The following MAPK10 variants were observed in gnomAD, a reference collection of about 807,000 sequenced individuals.
MAPK10 encodes the protein JNK3 alpha protein kinase.
Under a neutral mutation model 59.3 loss-of-function variants are expected in MAPK10, and 25 were observed. The observed-to-expected ratio is 0.42, with a 90% confidence interval of 0.31 to 0.59. MAPK10 has a LOEUF of 0.59. Among genes scored for constraint, MAPK10 ranks in the 20% least tolerant of loss-of-function variants. The pLI, the probability that MAPK10 is intolerant of heterozygous loss-of-function variation, is 0.15. For missense variants in MAPK10, 351 were observed against 568.9 expected, an observed-to-expected ratio of 0.62 and a Z score of 3.90; for synonymous variants, 190 against 200.5, an observed-to-expected ratio of 0.95 and a Z score of 0.44.
chr4:86,356,173 C>T (rs1734376996), intron 1 of MAPK10, among the ~76,000 whole-genome samples: 1 of 152,170 alleles, frequency 6.6e-6, no homozygotes, highest in African/African-American at 2.4e-5. Flanking sequence ...ACCTGCACAC[C>T]ATGCAGGGTT....
intron 11 of MAPK10, among the ~76,000 whole-genome samples, chr4:86,034,338 C>A (rs949912246): frequency 3.3e-5 from 5 of 152,144 alleles, no homozygotes; most frequent in African/African-American, 1.2e-4. Context: ...ATTGCATAAA[C>A]AATAACTTAA....
intron 9 of MAPK10, among the ~76,000 whole-genome samples, chr4:86,094,322 T>C (rs774360035): frequency 6.3e-4 from 96 of 152,104 alleles, no homozygotes; most frequent in Middle Eastern, 6.8e-3. Flanking sequence ...TATATGTATA[T>C]CTCTTTCATT....
chr4:86,156,154 T>A (rs1189963756), intron 4 of MAPK10, among the ~76,000 whole-genome samples: 1 of 152,064 alleles, frequency 6.6e-6, no homozygotes, highest in Non-Finnish European at 1.5e-5. Flanking sequence ...TACGGGTACG[T>A]ATACATATAC....
intron 9 of MAPK10, among the ~76,000 whole-genome samples, chr4:86,069,166 A>C (rs2047290058): frequency 6.6e-6 from 1 of 152,146 alleles, no homozygotes; most frequent in Admixed American, 6.6e-5. Flanking sequence ...TTAAAGATAA[A>C]CTTAACTGTA....
At chr4:86,558,396 A>C (rs1760425951) in intron 1 of MAPK10, among the ~76,000 whole-genome samples, 1 of 152,140 alleles carries the variant, frequency 6.6e-6, no homozygotes, top group East Asian at 1.9e-4. Flanking sequence ...ATGGGCCTTA[A>C]TTAATTCTCA....
At chr4:86,194,140 C>T (rs1034118326) in intron 3 of MAPK10, 196 bp downstream of exon 3, 29 of 557,156 alleles carry the variant, frequency 5.2e-5, no homozygotes, top group Non-Finnish European at 8.3e-5. Flanking sequence ...AGAAATCACT[C>T]GTCTTCTGCG....
chr4:86,466,471 G>A (rs1425348226), intron 1 of MAPK10, among the ~76,000 whole-genome samples: 1 of 152,130 alleles, frequency 6.6e-6, no homozygotes, highest in Non-Finnish European at 1.5e-5. Context: ...CCCGTTGTAG[G>A]CCACATGCTA....
chr4:86,406,299 T>C (rs530546020), intron 1 of MAPK10, among the ~76,000 whole-genome samples: 1 of 152,268 alleles, frequency 6.6e-6, no homozygotes, highest in South Asian at 2.1e-4. Flanking sequence ...CTCACTGAAT[T>C]AGAAACGCTG....
intron 2 of MAPK10, among the ~76,000 whole-genome samples, chr4:86,225,282 C>T (rs571246291): frequency 2.0e-5 from 3 of 152,310 alleles, no homozygotes; most frequent in East Asian, 3.9e-4. Context: ...TGAATACCTG[C>T]TTTCCTCCTG....
intron 1 of MAPK10, among the ~76,000 whole-genome samples, chr4:86,468,721 G>T (rs1752415196): frequency 6.6e-6 from 1 of 152,126 alleles, no homozygotes; most frequent in Non-Finnish European, 1.5e-5. Context: ...AGGCGTGGTG[G>T]CATGCACCTG....
chr4:86,498,511 AGAAAGTG>A (rs1344319893), intron 1 of MAPK10, among the ~76,000 whole-genome samples: 2 of 152,202 alleles, frequency 1.3e-5, no homozygotes, highest in Non-Finnish European at 2.9e-5. Flanking sequence ...TTAGATAAGA[AGAAAGTG>A]GAAGTCCACA....
intron 2 of MAPK10, among the ~76,000 whole-genome samples, chr4:86,287,931 A>G (rs1157214933): frequency 6.6e-6 from 1 of 152,152 alleles, no homozygotes; most frequent in Non-Finnish European, 1.5e-5. Context: ...TAGAATTAAG[A>G]CGTTACCTAG....
chr4:86,205,386 C>G (rs1404536791), intron 2 of MAPK10, among the ~76,000 whole-genome samples: 2 of 151,856 alleles, frequency 1.3e-5, no homozygotes, highest in African/African-American at 4.8e-5. Flanking sequence ...GAAAAATTCA[C>G]GATCACAGTG....
At chr4:86,297,938 A>C (rs2148837094) in intron 2 of MAPK10, among the ~76,000 whole-genome samples, 1 of 152,224 alleles carries the variant, frequency 6.6e-6, no homozygotes, top group African/African-American at 2.4e-5. Flanking sequence ...TTCATGGCTG[A>C]CATCTCCTCA....
rs540012081 is a variant in MAPK10 at position 86,576,896 on chromosome 4, A to C, written c.-263+17014T>G. Among the ~76,000 whole-genome samples, 7 of 152,286 alleles carry C rather than the reference A, an allele frequency of 4.6e-5. No individual in the cohort carries two copies. The South Asian group carries it at 1.5e-3, about 32-fold the overall frequency. ...GAGGGAAAACAATTTACATTTAAAA[A>C]CTCAGGAACTAGAATGACAGACTTT... On this transcript the variant is annotated intron_variant, in intron 1 of 4. Coordinates refer to the MAPK10 transcript ENST00000502302.
chr4:86,455,210 C>T (rs1040307460), upstream of MAPK10, among the ~76,000 whole-genome samples: 2 of 151,802 alleles, frequency 1.3e-5, no homozygotes, highest in Non-Finnish European at 2.9e-5. Context: ...GGACCTACAA[C>T]AAAAATACAA....
intron 4 of MAPK10, among the ~76,000 whole-genome samples, chr4:86,158,002 A>G (rs925723010): frequency 2.6e-5 from 4 of 151,950 alleles, no homozygotes; most frequent in Non-Finnish European, 4.4e-5. Flanking sequence ...ACAATTTTCC[A>G]TCAAGAAAGG....
chr4:86,550,252 C>T (rs1759650323), intron 1 of MAPK10, among the ~76,000 whole-genome samples: 1 of 151,750 alleles, frequency 6.6e-6, no homozygotes, highest in Non-Finnish European at 1.5e-5. Flanking sequence ...TAAAGTATGA[C>T]AATGAACCGT....
intron 11 of MAPK10, among the ~76,000 whole-genome samples, chr4:86,034,766 G>A (rs1451413541): frequency 6.6e-6 from 1 of 152,110 alleles, no homozygotes; most frequent in Non-Finnish European, 1.5e-5. Flanking sequence ...TGATTTCCTG[G>A]AGTAAAGTGA....
Sources: allele counts gnomAD v4.1 joint callset (sites outside exome capture counted in the v4.1 genomes callset), GRCh38; gene constraint gnomAD v4.1.1; transcripts MANE v1.5; gene names NCBI Gene and HGNC (gene_info 2026-07-23, HGNC 2026-07-21).